Variants in CMTM4 observed in about 807,000 individuals in gnomAD.
The protein encoded by CMTM4 is CKLF like MARVEL transmembrane domain containing 4, also known as CKLF-like MARVEL transmembrane domain-containing protein 4.
Under a neutral mutation model 19.0 loss-of-function variants are expected in CMTM4, and 8 were observed. That is an observed-to-expected ratio of 0.42 (90% CI 0.25 to 0.76). The LOEUF (loss-of-function observed/expected upper bound fraction) is 0.76. CMTM4 is among the 30% of genes least tolerant of loss of function. The pLI, the probability that CMTM4 is intolerant of heterozygous loss-of-function variation, is 0.27. For synonymous variants in CMTM4, 106 were observed against 121.1 expected (o/e 0.88, Z 0.82); for missense variants, 228 against 290.2 (o/e 0.79, Z 1.56).
the CMTM4 span, among the ~76,000 whole-genome samples, chr16:66,598,748 C>T: frequency 1.4e-4 from 21 of 152,136 alleles, no homozygotes; most frequent in East Asian, 1.9e-4. Context: ...ATCAATGGTT[C>T]GTTCCTTTTT....
chr16:66,676,470 G>A (rs1204596539), intron 1 of CMTM4, among the ~76,000 whole-genome samples: 1 of 152,080 alleles, frequency 6.6e-6, no homozygotes, highest in African/African-American at 2.4e-5. Flanking sequence ...GCGACCCTGA[G>A]GCTCAGCTCC....
intron 1 of CMTM4, among the ~76,000 whole-genome samples, chr16:66,690,490 G>T (rs903269590): frequency 6.6e-6 from 1 of 152,118 alleles, no homozygotes; most frequent in Admixed American, 6.6e-5. Context: ...TGTTGCATAT[G>T]ATTTCTATAA....
chr16:66,638,212 G>A (rs1444802267), intron 1 of CMTM4, among the ~76,000 whole-genome samples: 1 of 152,096 alleles, frequency 6.6e-6, no homozygotes, highest in Non-Finnish European at 1.5e-5. Context: ...GCTTTTAGGG[G>A]GCAGGGTAGT....
chr16:66,611,095 T>G (rs549525167), downstream of CMTM4: 192 of 390,554 alleles, frequency 4.9e-4, no homozygotes, highest in African/African-American at 3.7e-3. Flanking sequence ...GTTTTACTAT[T>G]TGGAGAGTTT....
the CMTM4 span, among the ~76,000 whole-genome samples, chr16:66,602,343 G>A: frequency 4.6e-5 from 7 of 152,218 alleles, no homozygotes; most frequent in African/African-American, 1.4e-4. Context: ...GTTGCAGTGA[G>A]CCAAGATCAT....
chr16:66,609,420 C>T, the CMTM4 span: 2 of 1,607,330 alleles, frequency 1.2e-6, no homozygotes, highest in Non-Finnish European at 1.7e-6. The surrounding 1 kb of genome is among the most constrained non-coding windows in gnomAD (Gnocchi z 4.4). Context: ...GGGCAGCATG[C>T]CCCTCTCTCC....
chr16:66,599,772 A>C, the CMTM4 span, among the ~76,000 whole-genome samples: 2 of 152,214 alleles, frequency 1.3e-5, no homozygotes, highest in Non-Finnish European at 2.9e-5. Context: ...TAACTGGAGA[A>C]AACTAAGTGT....
the CMTM4 span, among the ~76,000 whole-genome samples, chr16:66,599,372 T>C: frequency 6.6e-6 from 1 of 151,930 alleles, no homozygotes; most frequent in Non-Finnish European, 1.5e-5. Flanking sequence ...AATATAAAAA[T>C]TTTTAAAAAT....
chr16:66,696,002 G>A lies in CMTM4; in HGVS notation c.186+338C>T, dbSNP rs1166940068. On this transcript the variant is annotated intron_variant, in intron 1 of 3. Coordinates refer to ENST00000394106, the MANE Select transcript of CMTM4 (RefSeq NM_181521.3). This position sits in a 1 kb window ranked among gnomAD's most constrained non-coding sequence, Gnocchi z 4.3. The stretch of plus-strand genomic sequence containing the variant: ...CTGCCACAGGTTGCTAAGACCAGCT[G>A]TACCCAGGAGACAGCAGGATTCCCA... Among the ~76,000 whole-genome samples, 1 of 152,212 alleles carries A rather than the reference G, an allele frequency of 6.6e-6. No homozygotes were observed. The highest frequency in any genetic ancestry group is 2.4e-5 in the African/African-American group (1 of 41,454).
At chr16:66,682,988 A>T (rs2016942507) in intron 1 of CMTM4, among the ~76,000 whole-genome samples, 1 of 151,700 alleles carries the variant, frequency 6.6e-6, no homozygotes, top group Admixed American at 6.6e-5. Context: ...CCTAAGCAAA[A>T]TCTTCTGTTT....
intron 1 of CMTM4, among the ~76,000 whole-genome samples, chr16:66,649,827 T>C (rs2016277791): frequency 6.6e-6 from 1 of 152,134 alleles, no homozygotes; most frequent in Non-Finnish European, 1.5e-5. Context: ...CCCTAATCCC[T>C]GTACATGTCA....
chr16:66,667,683 C>T (rs2016624234), intron 1 of CMTM4, among the ~76,000 whole-genome samples: 1 of 152,098 alleles, frequency 6.6e-6, no homozygotes, highest in South Asian at 2.1e-4. Flanking sequence ...AGGTCAGAAG[C>T]TCAAGACCAG....
At chr16:66,686,450 G>A (rs1180859535) in intron 1 of CMTM4, among the ~76,000 whole-genome samples, 1 of 150,904 alleles carries the variant, frequency 6.6e-6, no homozygotes, top group Non-Finnish European at 1.5e-5. Flanking sequence ...TCAGGAGGCG[G>A]AGGCAGGAGA....
intron 2 of CMTM4, among the ~76,000 whole-genome samples, chr16:66,631,691 G>A (rs2015874701): frequency 6.6e-6 from 1 of 152,086 alleles, no homozygotes. Context: ...TGGATTAAGG[G>A]CGGTGCAAGA....
intron 1 of CMTM4, among the ~76,000 whole-genome samples, chr16:66,676,589 G>A (rs1398012436): frequency 6.6e-6 from 1 of 152,188 alleles, no homozygotes; most frequent in African/African-American, 2.4e-5. Flanking sequence ...CGATCCCTTA[G>A]AGTCTAAAAC....
At chr16:66,636,731 C>T in intron 1 of CMTM4, 150 bp from the exon 2 acceptor site, 2 of 637,582 alleles carry the variant, frequency 3.1e-6, no homozygotes, top group Non-Finnish European at 5.4e-6. Context: ...GGAAATCAGA[C>T]CTGCTTCAAT....
At chr16:66,693,363 TC>T (rs930924337) in intron 1 of CMTM4, among the ~76,000 whole-genome samples, 15 of 152,092 alleles carry the variant, frequency 9.9e-5, no homozygotes, top group Non-Finnish European at 1.6e-4. Context: ...GCTCAAGCAG[TC>T]CCCCCACCTC....
intron 1 of CMTM4, among the ~76,000 whole-genome samples, chr16:66,693,213 A>G (rs2017168770): frequency 6.6e-6 from 1 of 151,952 alleles, no homozygotes; most frequent in African/African-American, 2.4e-5. Flanking sequence ...ATCAAGAACA[A>G]AAGTCTAACA....
chr16:66,631,113 T>C (rs2015852891), intron 2 of CMTM4, among the ~76,000 whole-genome samples: 3 of 146,916 alleles, frequency 2.0e-5, no homozygotes, highest in Non-Finnish European at 4.5e-5. Context: ...AGCCACCCCA[T>C]CTGGGAAGTG....
Sources: allele counts gnomAD v4.1 joint callset (sites outside exome capture counted in the v4.1 genomes callset), GRCh38; gene constraint gnomAD v4.1.1; non-coding constraint Gnocchi (gnomAD v3.1); transcripts MANE v1.5; gene names NCBI Gene and HGNC (gene_info 2026-07-23, HGNC 2026-07-21).